SHPK: variants seen among roughly 807,000 people sequenced by gnomAD.
The protein encoded by SHPK is sedoheptulokinase.
In SHPK, 51 loss-of-function variants were observed where a neutral mutation model predicts 46.3. The ratio of observed to expected loss-of-function variants is 1.10; its 90% CI spans 0.88 to 1.39. The LOEUF (loss-of-function observed/expected upper bound fraction) is 1.39. SHPK is among the 40% of genes most tolerant of loss of function. The pLI, the probability that SHPK is intolerant of heterozygous loss-of-function variation, is 0.00. For missense variants in SHPK, 668 were observed against 641.3 expected, an observed-to-expected ratio of 1.04 and a Z score of -0.45; for synonymous variants, 290 against 273.9, an observed-to-expected ratio of 1.06 and a Z score of -0.58.
At chr17:3,621,039 G>A (rs541961107) in intron 5 of SHPK, among the ~76,000 whole-genome samples, 198 bp downstream of exon 5, 1 of 152,212 alleles carries the variant, frequency 6.6e-6, no homozygotes, top group Non-Finnish European at 1.5e-5. Flanking sequence ...GACAGAACTT[G>A]CCCTGCTGGC....
chr17:3,625,921 C>T (rs754365194), intron 2 of SHPK, among the ~76,000 whole-genome samples: 3 of 152,190 alleles, frequency 2.0e-5, no homozygotes, highest in Middle Eastern at 3.4e-3. Context: ...GGTGTGGTAG[C>T]GGGTGCCTGT....
chr17:3,633,881 AAAG>A (rs2075489292), intron 1 of SHPK, among the ~76,000 whole-genome samples: 1 of 152,000 alleles, frequency 6.6e-6, no homozygotes, highest in Non-Finnish European at 1.5e-5. Context: ...GTCTGTGTAG[AAAG>A]AAGTAGACAT....
chr17:3,622,406 C>T (rs1275552937), intron 4 of SHPK: 6 of 173,622 alleles, frequency 3.5e-5, no homozygotes, highest in Non-Finnish European at 6.8e-5. Flanking sequence ...GCCGGAGGTT[C>T]GGCGCCATTA....
Position 3,612,178 on chromosome 17 carries a change from C to T in SHPK, c.1025-1206G>A, listed in dbSNP as rs531175773. On this transcript the variant is annotated intron_variant, in intron 6 of 6. Transcript: ENST00000225519. ...GCGGTGGCTTACGCTGTAATCCCAG[C>T]ACTTTGGGAGGTCAAGACAGGCGGA... is the stretch of plus-strand genomic sequence containing the variant. Among the ~76,000 whole-genome samples, 15 of 151,680 alleles carry T rather than the reference C, an allele frequency of 9.9e-5. No homozygotes were observed. The South Asian group carries it at 3.1e-3, about 32-fold the overall frequency.
chr17:3,635,575 G>A (rs1177676883), intron 1 of SHPK, among the ~76,000 whole-genome samples: 2 of 152,272 alleles, frequency 1.3e-5, no homozygotes, highest in East Asian at 1.9e-4. Flanking sequence ...TCTGTGGAAT[G>A]AGCCAGGAGC....
At chr17:3,615,255 C>A in intron 6 of SHPK, 82 bp downstream of exon 6, 1 of 1,394,708 alleles carries the variant, frequency 7.2e-7, no homozygotes, top group Non-Finnish European at 1.0e-6. Flanking sequence ...TGAAACCGCA[C>A]ATGAAGCTCC....
chr17:3,632,643 G>C (rs2150876072), intron 1 of SHPK, among the ~76,000 whole-genome samples: 1 of 152,242 alleles, frequency 6.6e-6, no homozygotes, highest in East Asian at 1.9e-4. Context: ...AACAGGAATA[G>C]ACATTGCCCC....
Position 3,619,384 on chromosome 17 carries a change from T to C in SHPK, c.823+1853A>G, listed in dbSNP as rs1369961146. ...ACATTGAACCATTCCGGGTGATGATTCATCTTCTCTGCTTGTAGGGCAACT... is the reference window on the plus strand; with the variant it reads ...ACATTGAACCATTCCGGGTGATGATCCATCTTCTCTGCTTGTAGGGCAACT... On this transcript the variant is annotated intron_variant, in intron 5 of 6. Transcript: ENST00000225519. 50 of 1,546,796 alleles carry C rather than the reference T, an allele frequency of 3.2e-5. No homozygotes were observed. In the South Asian group the frequency reaches 5.0e-4, roughly 16 times the overall value.
intron 1 of SHPK, among the ~76,000 whole-genome samples, chr17:3,635,106 A>G (rs1400239198): frequency 3.3e-5 from 5 of 150,916 alleles, no homozygotes; most frequent in African/African-American, 1.2e-4. Context: ...CAGTTGGCGG[A>G]GGTTGCAGTG....
At chr17:3,627,389 C>G (rs546824083) in intron 2 of SHPK, among the ~76,000 whole-genome samples, 30 of 152,266 alleles carry the variant, frequency 2.0e-4, no homozygotes, top group African/African-American at 7.2e-4. Flanking sequence ...GCACTTAGCT[C>G]TCTGCTCAAG....
rs1567688970 is a variant in SHPK, at chr17:3,635,243, A to AAGGAAGGG, written c.168+808_168+809insCCCTTCCT. Among the ~76,000 whole-genome samples, 930 of 147,058 alleles carry AAGGAAGGG rather than the reference A, an allele frequency of 6.3e-3. 19 individuals carry two copies. Among genetic ancestry groups the AAGGAAGGG allele is most frequent in the African/African-American group, 0.022 (864 of 40,014 alleles). On this transcript the variant is annotated intron_variant, in intron 1 of 6. Coordinates refer to ENST00000225519, the MANE Select transcript of SHPK (RefSeq NM_013276.4). The stretch of plus-strand genomic sequence containing the variant: ...GAAGGAAGGAAGGAAGGAAGGAAGG[A>AAGGAAGGG]AGGGAAGGAAGGGAAGGAGTCTCGC...
At chr17:3,632,786 C>T (rs1215505705) in intron 1 of SHPK, among the ~76,000 whole-genome samples, 2 of 151,826 alleles carry the variant, frequency 1.3e-5, no homozygotes, top group Non-Finnish European at 2.9e-5. Context: ...AAACTGATGC[C>T]CAGAGAGGAA....
intron 1 of SHPK, among the ~76,000 whole-genome samples, chr17:3,633,556 G>A (rs542364568): frequency 6.6e-6 from 1 of 152,040 alleles, no homozygotes; most frequent in African/African-American, 2.4e-5. Flanking sequence ...CCCAGAGCAC[G>A]ATTCATATGT....
intron 4 of SHPK, among the ~76,000 whole-genome samples, chr17:3,621,961 C>CT (rs34900373): frequency 3.3e-4 from 49 of 150,328 alleles, no homozygotes; most frequent in Middle Eastern, 7.1e-3. Flanking sequence ...CTCCTTCTTT[C>CT]TTTTTTTGAG....
At chr17:3,619,229 A>T in intron 5 of SHPK, 1 of 613,574 alleles carries the variant, frequency 1.6e-6, no homozygotes, top group Non-Finnish European at 2.9e-6. Flanking sequence ...TGTGTGTAAG[A>T]TTTTACATGT....
At chr17:3,614,715 G>A (rs2075361828) in intron 6 of SHPK, among the ~76,000 whole-genome samples, 1 of 151,204 alleles carries the variant, frequency 6.6e-6, no homozygotes, top group Non-Finnish European at 1.5e-5. Context: ...AGGCGTGGTG[G>A]CGCATGCCTG....
chr17:3,635,963 C>T lies in SHPK; in HGVS notation c.168+89G>A, dbSNP rs555376186. The T allele has an allele frequency of 2.9e-5, 37 of 1,287,084 alleles. 3 individuals are homozygous for T. Among genetic ancestry groups the T allele is most frequent in the East Asian group, 1.3e-4 (5 of 37,528 alleles). The allele number at this position is 1,287,084 out of a possible 1,614,324, so 79.7% of individuals were successfully genotyped here. A position where few individuals can be genotyped will look rare whatever the true frequency, so the allele number is the denominator to read the frequency against. ...ACAAGCTGGAATAGAGACTTCATTG[C>T]GGGAAGGGCTGTCAGGGAGGCCTCC... On this transcript the variant is annotated intron_variant, in intron 1 of 6. Coordinates refer to ENST00000225519, the MANE Select transcript of SHPK (RefSeq NM_013276.4).
chr17:3,622,973 G>A (rs951029952), intron 4 of SHPK, among the ~76,000 whole-genome samples: 1 of 152,152 alleles, frequency 6.6e-6, no homozygotes, highest in Non-Finnish European at 1.5e-5. Flanking sequence ...CCAAAGTGCT[G>A]GGATTACAGG....
intron 2 of SHPK, among the ~76,000 whole-genome samples, chr17:3,626,850 G>A (rs368677366): frequency 3.3e-5 from 5 of 151,588 alleles, no homozygotes; most frequent in South Asian, 2.1e-4. Context: ...AGCCCAGATC[G>A]CTCCATTGTA....
Sources: allele counts gnomAD v4.1 joint callset (sites outside exome capture counted in the v4.1 genomes callset), GRCh38; gene constraint gnomAD v4.1.1; transcripts MANE v1.5; gene names NCBI Gene and HGNC (gene_info 2026-07-23, HGNC 2026-07-21).